Variants in HSPA12A observed in about 807,000 individuals in gnomAD.
The protein encoded by HSPA12A is heat shock protein family A (Hsp70) member 12A, also known as heat shock 70 kDa protein 12A.
In HSPA12A, 28 loss-of-function variants were observed where a neutral mutation model predicts 69.2. That is an observed-to-expected ratio of 0.40 (90% confidence interval 0.30 to 0.55). The LOEUF (loss-of-function observed/expected upper bound fraction) is 0.55. Ranked by LOEUF, HSPA12A falls within the 20% of genes least tolerant of loss-of-function variation. The pLI, the probability that HSPA12A is intolerant of heterozygous loss-of-function variation, is 0.38. For missense variants in HSPA12A, 686 were observed against 900.7 expected, an observed-to-expected ratio of 0.76 and a Z score of 3.05; for synonymous variants, 345 against 370.5, an observed-to-expected ratio of 0.93 and a Z score of 0.79.
At chr10:116,701,185 C>A in intron 3 of HSPA12A, 56 bp from the exon 4 acceptor site, 1 of 1,560,826 alleles carries the variant, frequency 6.4e-7, no homozygotes, top group Non-Finnish European at 8.8e-7. Context: ...CCAATTCAGG[C>A]AGCACAGATT....
At chr10:116,689,799 G>A (rs1589630697) in intron 6 of HSPA12A, among the ~76,000 whole-genome samples, 1 of 147,008 alleles carries the variant, frequency 6.8e-6, no homozygotes, top group African/African-American at 2.5e-5. Context: ...AAAGGCAGGG[G>A]AAAAAAAAAA....
At chr10:116,783,878 A>G (rs782431246) in intron 2 of HSPA12A, among the ~76,000 whole-genome samples, 2 of 151,850 alleles carry the variant, frequency 1.3e-5, no homozygotes, top group African/African-American at 4.8e-5. Context: ...ACTTTTTTGT[A>G]TTTTTAGTAG....
chr10:116,823,694 T>C (rs1035614999), intron 2 of HSPA12A, among the ~76,000 whole-genome samples: 2 of 152,160 alleles, frequency 1.3e-5, no homozygotes, highest in Non-Finnish European at 2.9e-5. Context: ...CTGGATATCA[T>C]GTAAAACAAG....
At chr10:116,835,630 A>G (rs2133215351) in intron 1 of HSPA12A, among the ~76,000 whole-genome samples, 1 of 152,354 alleles carries the variant, frequency 6.6e-6, no homozygotes, top group South Asian at 2.1e-4. Flanking sequence ...GCTGGCTCCT[A>G]AACAGTACAA....
At chr10:116,816,449 T>C (rs1589723066) in intron 2 of HSPA12A, among the ~76,000 whole-genome samples, 1 of 152,350 alleles carries the variant, frequency 6.6e-6, no homozygotes, top group East Asian at 1.9e-4. Context: ...CTTCACCTTT[T>C]CTCCGAGGCC....
upstream of HSPA12A, among the ~76,000 whole-genome samples, chr10:116,743,269 A>G (rs1195916455): frequency 1.3e-5 from 2 of 152,214 alleles, no homozygotes; most frequent in African/African-American, 4.8e-5. Context: ...GCAAGGCTTC[A>G]GTTGTGAATG....
intron 2 of HSPA12A, among the ~76,000 whole-genome samples, chr10:116,705,655 T>C (rs1850220585): frequency 6.6e-6 from 1 of 152,246 alleles, no homozygotes; most frequent in Non-Finnish European, 1.5e-5. Context: ...CGCAAGACCC[T>C]GTGCAGACCT....
chr10:116,763,421 C>T (rs1844013321), intron 2 of HSPA12A, among the ~76,000 whole-genome samples: 1 of 152,226 alleles, frequency 6.6e-6, no homozygotes, highest in South Asian at 2.1e-4. Context: ...TGAAAAACCC[C>T]TACCCCCAGA....
intron 2 of HSPA12A, among the ~76,000 whole-genome samples, chr10:116,807,300 C>T (rs896349638): frequency 2.0e-5 from 3 of 151,940 alleles, no homozygotes; most frequent in Admixed American, 1.3e-4. Context: ...CTCAACCTAA[C>T]GGCCATAGCT....
intron 2 of HSPA12A, among the ~76,000 whole-genome samples, chr10:116,784,966 C>G (rs1348826063): frequency 1.3e-5 from 2 of 152,104 alleles, no homozygotes; most frequent in African/African-American, 4.8e-5. Context: ...CCAGAGAGGC[C>G]CCAGTCCTGC....
rs958079564 is a variant in HSPA12A at position 116,675,856 on chromosome 10, G to T, written c.1391-438C>A. ...GGACAGGATACTGAAAGAGGTCCTG[G>T]TGAGTTTGCTATGTGTCCCTGGGTA... On this transcript the variant is annotated intron_variant, in intron 11 of 11. Transcript: ENST00000369209. This position sits in a 1 kb window ranked among gnomAD's most constrained non-coding sequence, Gnocchi z 5.2. 2.8e-4 allele frequency among the ~76,000 whole-genome samples: 43 copies of T among 152,190 alleles called. 1 individual carries two copies. Among genetic ancestry groups the T allele is most frequent in the African/African-American group, 9.7e-4 (40 of 41,442 alleles).
At chr10:116,713,356 T>C (rs1850503801) in intron 1 of HSPA12A, among the ~76,000 whole-genome samples, 1 of 152,142 alleles carries the variant, frequency 6.6e-6, no homozygotes, top group Non-Finnish European at 1.5e-5. Flanking sequence ...TTTATTGGCA[T>C]GAACCAGGAG....
chr10:116,690,180 G>A (rs1490451473), intron 6 of HSPA12A, among the ~76,000 whole-genome samples: 1 of 152,166 alleles, frequency 6.6e-6, no homozygotes, highest in Non-Finnish European at 1.5e-5. Context: ...CTCTCCAGAA[G>A]ACAGGCTAAA....
intron 1 of HSPA12A, among the ~76,000 whole-genome samples, chr10:116,733,388 A>G (rs558800676): frequency 6.6e-6 from 1 of 152,312 alleles, no homozygotes; most frequent in South Asian, 2.1e-4. Context: ...CCCAAACAGA[A>G]CCAGCCGCCT....
In HSPA12A at chr10:116,817,627, T is replaced by C. The variant is rs1428748652; in HGVS notation, c.91+17308A>G. Among the ~76,000 whole-genome samples the C allele has an allele frequency of 4.6e-5, 7 of 152,198 alleles. No individual in the cohort carries two copies. The East Asian group carries it at 7.7e-4, about 17-fold the overall frequency. On this transcript the variant is annotated intron_variant, in intron 2 of 12. Transcript: ENST00000635765. ...ATAGCGATGGGTGTCAGGCTGCCAA[T>C]AGAATGAAGAGAAGTGGAGAATCGC... is the stretch of plus-strand genomic sequence containing the variant.
chr10:116,818,104 C>T (rs1366273881), intron 2 of HSPA12A, among the ~76,000 whole-genome samples: 1 of 152,220 alleles, frequency 6.6e-6, no homozygotes, highest in African/African-American at 2.4e-5. Flanking sequence ...TGGCCACACA[C>T]TGCCAGTAGG....
intron 1 of HSPA12A, among the ~76,000 whole-genome samples, chr10:116,707,788 G>A (rs1325424887): frequency 6.6e-6 from 1 of 152,210 alleles, no homozygotes; most frequent in Non-Finnish European, 1.5e-5. Context: ...ATGTGATGAA[G>A]CTTCAGAAAG....
chr10:116,742,328 CT>C, intron 1 of HSPA12A, 101 bp downstream of exon 1: 3 of 1,248,756 alleles, frequency 2.4e-6, no homozygotes, highest in Non-Finnish European at 3.1e-6. Context: ...GGCGTCCCCA[CT>C]TTTCCACGGC....
Position 116,849,617 on chromosome 10 carries a change from G to A in HSPA12A, c.-49C>T, listed in dbSNP as rs139446019. 6 of 1,550,196 alleles carry A rather than the reference G, an allele frequency of 3.9e-6. No individual in the cohort carries two copies. In the East Asian group the frequency reaches 1.5e-4, roughly 38 times the overall value. Reference sequence around the variant, plus strand: ...GCTGTGGGACCACTAGGGAGCTGCAGAAGCTGAAGCAGCAGGCGATGGAGT... The same window carrying A: ...GCTGTGGGACCACTAGGGAGCTGCAAAAGCTGAAGCAGCAGGCGATGGAGT... On this transcript the variant is annotated 5_prime_UTR_variant, in exon 1 of 13. Transcript: ENST00000635765.
Sources: gnomAD v4.1 joint callset for allele counts (sites outside exome capture counted in the v4.1 genomes callset) on GRCh38, gnomAD v4.1.1 for gene constraint, Gnocchi (gnomAD v3.1) non-coding constraint, MANE v1.5 for transcripts, NCBI Gene and HGNC (gene_info 2026-07-23, HGNC 2026-07-21) for gene names.